The following SLC24A4 variants were observed in gnomAD, a reference collection of about 807,000 sequenced individuals.
SLC24A4 encodes sodium/potassium/calcium exchanger 4.
In SLC24A4, 53 loss-of-function variants were observed where a neutral mutation model predicts 79.0. The ratio of observed to expected loss-of-function variants is 0.67; its 90% CI spans 0.54 to 0.84. The LOEUF (loss-of-function observed/expected upper bound fraction) is 0.84. Ranked by LOEUF, SLC24A4 falls within the 40% of genes least tolerant of loss-of-function variation. The pLI is 0.00. For synonymous variants in SLC24A4, 323 were observed against 323.8 expected (o/e 1.00, Z 0.03); for missense variants, 731 against 822.0 (o/e 0.89, Z 1.35).
At chr14:92,491,221 T>G (rs1157469305) in intron 14 of SLC24A4, among the ~76,000 whole-genome samples, 1 of 152,240 alleles carries the variant, frequency 6.6e-6, no homozygotes, top group Non-Finnish European at 1.5e-5. Flanking sequence ...TCCTGCACTG[T>G]GAATGCTCTG....
At chr14:92,422,470 C>T (rs554945447) in intron 2 of SLC24A4, among the ~76,000 whole-genome samples, 3 of 152,334 alleles carry the variant, frequency 2.0e-5, no homozygotes, top group Non-Finnish European at 2.9e-5. Flanking sequence ...TTTGGCTCTG[C>T]CACTTACTGG....
At chr14:92,448,345 TACACACACAC>T (rs71877757) in intron 9 of SLC24A4, among the ~76,000 whole-genome samples, 1 of 131,952 alleles carries the variant, frequency 7.6e-6, no homozygotes, top group Admixed American at 8.1e-5. Context: ...TCCCACTACA[TACACACACAC>T]ACACACACAC....
chr14:92,406,403 T>A (rs1372558749), intron 2 of SLC24A4, among the ~76,000 whole-genome samples: 1 of 152,234 alleles, frequency 6.6e-6, no homozygotes, highest in Admixed American at 6.5e-5. Context: ...CACTAGGTAG[T>A]GCTCCAGTTT....
chr14:92,454,844 T>G (rs1380325232), intron 11 of SLC24A4, among the ~76,000 whole-genome samples: 1 of 152,238 alleles, frequency 6.6e-6, no homozygotes, highest in Non-Finnish European at 1.5e-5. Context: ...TTTGAATCAT[T>G]GTGAATCATT....
At chr14:92,455,282 C>G (rs1056470811) in intron 11 of SLC24A4, among the ~76,000 whole-genome samples, 2 of 152,202 alleles carry the variant, frequency 1.3e-5, no homozygotes, top group Non-Finnish European at 2.9e-5. Flanking sequence ...CACCGAAAGG[C>G]TGTATGTCCA....
rs1032345946 is a variant in SLC24A4 at position 92,500,215 on chromosome 14, G to A, written c.*6587G>A. 6.6e-6 allele frequency: 1 copy of A among 152,202 alleles called. No individual in the cohort carries two copies. Among genetic ancestry groups the A allele is most frequent in the African/African-American group, 2.4e-5 (1 of 41,444 alleles). The allele number at this position is 152,202 out of a possible 1,614,324, so 9.4% of individuals were successfully genotyped here. A position where few individuals can be genotyped will look rare whatever the true frequency, so the allele number is the denominator to read the frequency against. On this transcript the variant is annotated 3_prime_UTR_variant, in exon 17 of 17. Transcript: ENST00000532405. ...CCAATAAAATTCTTAATCCTGCAGA[G>A]AGTCAGTACCCTCATCACCCCATCA...
At chr14:92,488,250 T>A (rs1447313360) in intron 14 of SLC24A4, among the ~76,000 whole-genome samples, 2 of 152,040 alleles carry the variant, frequency 1.3e-5, no homozygotes, top group Non-Finnish European at 2.9e-5. Flanking sequence ...TTTTGTATTT[T>A]TAGTAGAGAC....
At chr14:92,363,317 C>T (rs1887640447) in intron 2 of SLC24A4, among the ~76,000 whole-genome samples, 1 of 152,232 alleles carries the variant, frequency 6.6e-6, no homozygotes, top group Admixed American at 6.5e-5. Context: ...GGGTACCCAC[C>T]TGCAGCCAGA....
At chr14:92,369,940 A>C (rs532063315) in intron 2 of SLC24A4, among the ~76,000 whole-genome samples, 1 of 152,240 alleles carries the variant, frequency 6.6e-6, no homozygotes, top group Non-Finnish European at 1.5e-5. Flanking sequence ...AAAGATACTG[A>C]TGGATTTAGG....
Position 92,386,170 on chromosome 14 carries a change from C to T in SLC24A4, c.242-47742C>T, listed in dbSNP as rs189714741. On this transcript the variant is annotated intron_variant, in intron 2 of 16. Transcript: ENST00000532405. ...TCATGGTTTCGTTTTTTTCCCCTTT[C>T]GATAGGTGGTTCTAGCTCGGTGGGA... 1.6e-4 allele frequency among the ~76,000 whole-genome samples: 25 copies of T among 152,016 alleles called. No individual in the cohort carries two copies. In the East Asian group the frequency reaches 1.7e-3, roughly 11 times the overall value.
chr14:92,442,341 G>A (rs1315614231), intron 5 of SLC24A4, among the ~76,000 whole-genome samples, 168 bp downstream of exon 5: 13 of 152,280 alleles, frequency 8.5e-5, no homozygotes, highest in Admixed American at 5.2e-4. Context: ...TGGTAGAGTA[G>A]GGTGCTGAGG....
intron 2 of SLC24A4, among the ~76,000 whole-genome samples, chr14:92,372,539 T>G (rs867745921): frequency 6.6e-6 from 1 of 152,144 alleles, no homozygotes; most frequent in African/African-American, 2.4e-5. Context: ...TTATCCTGTA[T>G]GTACTGGTGT....
Position 92,371,232 on chromosome 14 carries a change from A to C in SLC24A4, c.241+45254A>C, listed in dbSNP as rs1595176756. Among the ~76,000 whole-genome samples, 5 of 152,346 alleles carry C rather than the reference A, an allele frequency of 3.3e-5. No individual in the cohort carries two copies. The South Asian group carries it at 1.0e-3, about 32-fold the overall frequency. Reference sequence around the variant, plus strand: ...AGCTTCCTGGATAACCAAATTTCACATACATACGGTGGGTCCCAATAAAAA... The same window carrying C: ...AGCTTCCTGGATAACCAAATTTCACCTACATACGGTGGGTCCCAATAAAAA... On this transcript the variant is annotated intron_variant, in intron 2 of 16. Transcript: ENST00000532405.
At chr14:92,463,286 C>T (rs750014181) in intron 12 of SLC24A4, among the ~76,000 whole-genome samples, 35 of 152,214 alleles carry the variant, frequency 2.3e-4, no homozygotes, top group Non-Finnish European at 3.2e-4. Flanking sequence ...GCTCAGAAGG[C>T]GGCACTGCAG....
Position 92,441,405 on chromosome 14 carries a change from C to T in SLC24A4, c.394-684C>T, listed in dbSNP as rs1037158391. On this transcript the variant is annotated intron_variant, in intron 4 of 16. Transcript: ENST00000532405. The surrounding 1 kb of genome is among the most constrained non-coding windows in gnomAD (Gnocchi z 4.6). ...CCATGAGTTCCCGTCCTGTCCCGTG[C>T]CAGCTTAACCCTGGAACCAGTACCT... 1.3e-5 allele frequency among the ~76,000 whole-genome samples: 2 copies of T among 152,226 alleles called. No homozygotes were observed. The highest frequency in any genetic ancestry group is 3.8e-4 in the East Asian group (2 of 5,198).
intron 13 of SLC24A4, 61 bp from the exon 14 acceptor site, chr14:92,486,605 A>G (rs1488677720): frequency 9.6e-7 from 1 of 1,039,654 alleles, no homozygotes; most frequent in Non-Finnish European, 1.5e-6. Context: ...AATACTAGGA[A>G]TATTTCTTTA....
At chr14:92,468,704 T>C (rs535056282) in intron 12 of SLC24A4, among the ~76,000 whole-genome samples, 1 of 152,286 alleles carries the variant, frequency 6.6e-6, no homozygotes, top group African/African-American at 2.4e-5. Context: ...GATAACCACA[T>C]TGAAAAGAAG....
chr14:92,488,946 C>G (rs910127701), intron 14 of SLC24A4, among the ~76,000 whole-genome samples: 3 of 152,040 alleles, frequency 2.0e-5, no homozygotes, highest in Non-Finnish European at 4.4e-5. Flanking sequence ...TGGGGAGTGT[C>G]CCAGTAAGAT....
chr14:92,330,123 C>T (rs1380517372), intron 2 of SLC24A4, among the ~76,000 whole-genome samples: 1 of 145,000 alleles, frequency 6.9e-6, no homozygotes, highest in Non-Finnish European at 1.5e-5. Flanking sequence ...GGGAGCATCA[C>T]CTGGGAGCAT....
Sources: allele counts gnomAD v4.1 joint callset (sites outside exome capture counted in the v4.1 genomes callset), GRCh38; gene constraint gnomAD v4.1.1; non-coding constraint Gnocchi (gnomAD v3.1); transcripts MANE v1.5; gene names NCBI Gene and HGNC (gene_info 2026-07-23, HGNC 2026-07-21).